RSU1: variants seen among roughly 807,000 people sequenced by gnomAD.
RSU1 encodes Ras suppressor protein 1, also known as rsu-1.
Under a neutral mutation model 31.1 loss-of-function variants are expected in RSU1, and 26 were observed. The ratio of observed to expected loss-of-function variants is 0.84; its 90% CI spans 0.61 to 1.16. The LOEUF is 1.16. Ranked by LOEUF, RSU1 falls within the 50% of genes most tolerant of loss-of-function variation. The pLI, the probability that RSU1 is intolerant of heterozygous loss-of-function variation, is 0.00. For missense variants in RSU1, 320 were observed against 339.1 expected (o/e 0.94, Z 0.44); for synonymous variants, 164 against 136.3 (o/e 1.20, Z -1.41).
At chr10:16,791,763 A>T (rs902921969) in intron 2 of RSU1, among the ~76,000 whole-genome samples, 4 of 152,236 alleles carry the variant, frequency 2.6e-5, no homozygotes, top group Non-Finnish European at 4.4e-5. Context: ...TCTTCAGGAT[A>T]AAGTAGACAA....
chr10:16,617,091 G>T (rs1037154864), intron 8 of RSU1, among the ~76,000 whole-genome samples: 4 of 152,160 alleles, frequency 2.6e-5, no homozygotes, highest in Non-Finnish European at 5.9e-5. Flanking sequence ...AAACCTTATT[G>T]TCTCATCCCC....
intron 7 of RSU1, among the ~76,000 whole-genome samples, chr10:16,735,900 C>T (rs1028830070): frequency 2.0e-5 from 3 of 151,896 alleles, no homozygotes; most frequent in South Asian, 2.1e-4. Flanking sequence ...ACAGCCAAAC[C>T]GTATCAGGAA....
Position 16,729,368 on chromosome 10 carries a change from C to T in RSU1, c.598+23171G>A, listed in dbSNP as rs12572748. Reference sequence around the variant, plus strand: ...TATTCACCTCCCTGTGAGTACCATGCTATTGGTTTTCTTCTGGGTGTGGCA... The same window carrying T: ...TATTCACCTCCCTGTGAGTACCATGTTATTGGTTTTCTTCTGGGTGTGGCA... On this transcript the variant is annotated intron_variant, in intron 7 of 8. Coordinates refer to ENST00000345264, the MANE Select transcript of RSU1 (RefSeq NM_012425.4). Among the ~76,000 whole-genome samples the T allele has an allele frequency of 8.6e-3, 1,317 of 152,262 alleles. 31 individuals are homozygous for T. In the East Asian group the frequency reaches 0.095, roughly 11 times the overall value.
chr10:16,613,921 A>G (rs1298360979), intron 8 of RSU1, among the ~76,000 whole-genome samples: 1 of 152,188 alleles, frequency 6.6e-6, no homozygotes, highest in Non-Finnish European at 1.5e-5. Flanking sequence ...ACATGAAACA[A>G]TCTATTGCCA....
chr10:16,748,980 A>C (rs1836916868), intron 7 of RSU1, among the ~76,000 whole-genome samples: 1 of 152,064 alleles, frequency 6.6e-6, no homozygotes, highest in Non-Finnish European at 1.5e-5. Context: ...CTCTTGTTCT[A>C]ATCCCTAGCA....
chr10:16,757,074 T>G (rs75738643), intron 4 of RSU1, among the ~76,000 whole-genome samples: 14 of 108,058 alleles, frequency 1.3e-4, no homozygotes, highest in African/African-American at 5.2e-4. Flanking sequence ...ACGGTATGTG[T>G]GTGTGCTGTG....
chr10:16,801,469 G>A (rs1364780979), intron 2 of RSU1, among the ~76,000 whole-genome samples: 3 of 152,146 alleles, frequency 2.0e-5, no homozygotes, highest in Non-Finnish European at 4.4e-5. Context: ...CACTCTATCA[G>A]TAATTGACAG....
intron 7 of RSU1, among the ~76,000 whole-genome samples, chr10:16,730,715 T>C (rs1292212206): frequency 6.6e-5 from 10 of 151,998 alleles, no homozygotes; most frequent in African/African-American, 1.5e-4. Context: ...AGTAGAAAAA[T>C]AAAATCACTG....
intron 2 of RSU1, among the ~76,000 whole-genome samples, chr10:16,805,091 C>T (rs1413005486): frequency 6.6e-6 from 1 of 152,080 alleles, no homozygotes; most frequent in African/African-American, 2.4e-5. Flanking sequence ...ATCCCAGCTA[C>T]TCGGGAGGCT....
At chr10:16,702,292 A>G (rs933774900) in intron 7 of RSU1, among the ~76,000 whole-genome samples, 2 of 152,238 alleles carry the variant, frequency 1.3e-5, no homozygotes, top group Non-Finnish European at 2.9e-5. Flanking sequence ...CCAGACACAC[A>G]GTCTCCACTG....
intron 7 of RSU1, among the ~76,000 whole-genome samples, chr10:16,720,082 G>A (rs1192275016): frequency 2.0e-5 from 3 of 152,198 alleles, no homozygotes; most frequent in Non-Finnish European, 2.9e-5. Flanking sequence ...TCCTTCCTAT[G>A]TGGCACAATC....
intron 2 of RSU1, among the ~76,000 whole-genome samples, chr10:16,783,753 A>C (rs1220178313): frequency 6.6e-6 from 1 of 152,118 alleles, no homozygotes; most frequent in Non-Finnish European, 1.5e-5. Flanking sequence ...CCCAGCTTGA[A>C]CCACTGAGAT....
chr10:16,661,291 T>C (rs7903575), intron 8 of RSU1, among the ~76,000 whole-genome samples: 13 of 92,470 alleles, frequency 1.4e-4, no homozygotes, highest in African/African-American at 4.8e-4. Context: ...AGAGTGCGTG[T>C]GTGTGTGTGT....
intron 8 of RSU1, among the ~76,000 whole-genome samples, chr10:16,605,199 C>G (rs1046743053): frequency 2.0e-5 from 3 of 152,186 alleles, no homozygotes; most frequent in African/African-American, 7.2e-5. Flanking sequence ...CCACTCTGGT[C>G]TACTGCAAAT....
At chr10:16,631,180 A>G (rs1834239443) in intron 8 of RSU1, among the ~76,000 whole-genome samples, 1 of 152,234 alleles carries the variant, frequency 6.6e-6, no homozygotes, top group Non-Finnish European at 1.5e-5. Context: ...GCCATCACAG[A>G]GAAAACTGTC....
chr10:16,653,006 A>G (rs1318630211), intron 8 of RSU1, among the ~76,000 whole-genome samples: 1 of 152,172 alleles, frequency 6.6e-6, no homozygotes, highest in African/African-American at 2.4e-5. Context: ...ATCTTTCTTT[A>G]CATAGAGAAC....
intron 8 of RSU1, among the ~76,000 whole-genome samples, chr10:16,665,764 T>C (rs1005836995): frequency 6.6e-6 from 1 of 152,216 alleles, no homozygotes; most frequent in Non-Finnish European, 1.5e-5. Flanking sequence ...ATTTAAGACA[T>C]GCTGACACTG....
chr10:16,760,574 T>A (rs1229500900), intron 4 of RSU1, among the ~76,000 whole-genome samples: 1 of 149,550 alleles, frequency 6.7e-6, no homozygotes, highest in African/African-American at 2.5e-5. Context: ...CAAACCAAAA[T>A]GTTATTAGGA....
intron 8 of RSU1, among the ~76,000 whole-genome samples, chr10:16,677,308 T>C (rs1835252353): frequency 6.6e-6 from 1 of 152,194 alleles, no homozygotes; most frequent in African/African-American, 2.4e-5. Context: ...CTACAGGAGA[T>C]GAATTCTGTA....
Sources: gnomAD v4.1 joint callset for allele counts (sites outside exome capture counted in the v4.1 genomes callset) on GRCh38, gnomAD v4.1.1 for gene constraint, MANE v1.5 for transcripts, NCBI Gene and HGNC (gene_info 2026-07-23, HGNC 2026-07-21) for gene names.